NR3C2: variants seen among roughly 807,000 people sequenced by gnomAD.
NR3C2 encodes the protein mineralocorticoid receptor.
NR3C2 carries 15 observed loss-of-function variants against 86.4 expected under a neutral mutation model. The observed-to-expected ratio is 0.17, with a 90% confidence interval of 0.12 to 0.27. The LOEUF (loss-of-function observed/expected upper bound fraction) is 0.27. NR3C2 is among the 10% of genes least tolerant of loss of function. The probability of loss-of-function intolerance (pLI) is 1.00; values close to 1 mark genes in which losing one functional copy is unlikely to be tolerated. For missense variants in NR3C2, 960 were observed against 1,195.6 expected, an observed-to-expected ratio of 0.80 and a Z score of 2.91; for synonymous variants, 458 against 450.5, an observed-to-expected ratio of 1.02 and a Z score of -0.21.
At chr4:148,192,452 T>C (rs556556354) in intron 4 of NR3C2, among the ~76,000 whole-genome samples, 2 of 152,368 alleles carry the variant, frequency 1.3e-5, no homozygotes, top group East Asian at 3.9e-4. Flanking sequence ...TTTGTGCTGG[T>C]TGGCCTCCTG....
chr4:148,339,588 G>A (rs1039727888), intron 2 of NR3C2, among the ~76,000 whole-genome samples: 1 of 152,080 alleles, frequency 6.6e-6, no homozygotes, highest in Non-Finnish European at 1.5e-5. Flanking sequence ...AACTTAAAAT[G>A]CATAATGAAC....
At chr4:148,445,152 C>T (rs1034672185), upstream of NR3C2, among the ~76,000 whole-genome samples, 2 of 151,982 alleles carry the variant, frequency 1.3e-5, no homozygotes, top group Non-Finnish European at 2.9e-5. Context: ...CCCAAATGCA[C>T]GCACCCCCTT....
intron 3 of NR3C2, among the ~76,000 whole-genome samples, chr4:148,195,384 C>T (rs532578065): frequency 6.6e-6 from 1 of 152,276 alleles, no homozygotes; most frequent in African/African-American, 2.4e-5. Context: ...TAGAGAGTGA[C>T]ATCTATTGGC....
At chr4:148,361,776 A>G (rs10033040) in intron 2 of NR3C2, among the ~76,000 whole-genome samples, 59,966 of 152,002 alleles carry the variant, frequency 0.39, 12,261 homozygotes, top group Middle Eastern at 0.5. Flanking sequence ...ATAGGTAACC[A>G]TATTTTCTGA....
intron 3 of NR3C2, among the ~76,000 whole-genome samples, chr4:148,210,689 C>CTATAT (rs1478016995): frequency 6.6e-6 from 1 of 152,200 alleles, no homozygotes; most frequent in Non-Finnish European, 1.5e-5. Context: ...TCCTATATTG[C>CTATAT]TGGTTTGCCA....
chr4:148,215,992 A>T (rs1179629533), intron 3 of NR3C2, among the ~76,000 whole-genome samples: 2 of 152,044 alleles, frequency 1.3e-5, no homozygotes, highest in East Asian at 3.9e-4. Flanking sequence ...ATTTCACTGC[A>T]TTAGCCAGGA....
chr4:148,300,588 A>ATTTT lies in NR3C2; in HGVS notation c.1758-40475_1758-40472dup, dbSNP rs1230657445. ...TTTTCTCCATTTTGCCTTGCTACTCATTTTTTTTTTTTTTTTTTGACAGAG... is the reference window on the plus strand; with the variant it reads ...TTTTCTCCATTTTGCCTTGCTACTCATTTTTTTTTTTTTTTTTTTTTTGACAGAG... On this transcript the variant is annotated intron_variant, in intron 2 of 8. Transcript: ENST00000358102. Among the ~76,000 whole-genome samples, 20 of 127,770 alleles carry ATTTT rather than the reference A, an allele frequency of 1.6e-4. 1 individual carries two copies. The highest frequency in any genetic ancestry group is 2.5e-4 in the South Asian group (1 of 3,992). 83.8% of individuals were successfully genotyped at this position (127,770 alleles called of 152,430 possible). A position where few individuals can be genotyped will look rare whatever the true frequency, so the allele number is the denominator to read the frequency against.
intron 6 of NR3C2, among the ~76,000 whole-genome samples, chr4:148,132,623 C>T (rs1733089409): frequency 6.6e-6 from 1 of 152,106 alleles, no homozygotes; most frequent in South Asian, 2.1e-4. Context: ...TTTGCTAAGA[C>T]AGTTTATATA....
chr4:148,419,725 A>C (rs988416314), intron 2 of NR3C2, among the ~76,000 whole-genome samples: 1 of 152,216 alleles, frequency 6.6e-6, no homozygotes, highest in Admixed American at 6.5e-5. Context: ...AAGCATCTGT[A>C]AATGTACTTT....
At chr4:148,321,005 G>C (rs1298219210) in intron 2 of NR3C2, among the ~76,000 whole-genome samples, 73 of 150,388 alleles carry the variant, frequency 4.9e-4, no homozygotes, top group African/African-American at 1.7e-3. Context: ...GCTTTCTCTT[G>C]TGGGCATTTA....
At chr4:148,207,852 A>G (rs1288178676) in intron 3 of NR3C2, 3 of 152,202 alleles carry the variant, frequency 2.0e-5, no homozygotes, top group Non-Finnish European at 2.9e-5. Flanking sequence ...CATAACATTT[A>G]ATGATAAATT....
chr4:148,357,755 C>T (rs1745621454), intron 2 of NR3C2, among the ~76,000 whole-genome samples: 1 of 152,040 alleles, frequency 6.6e-6, no homozygotes, highest in South Asian at 2.1e-4. Context: ...TCCATTATAT[C>T]TTTTCCTTTT....
intron 2 of NR3C2, among the ~76,000 whole-genome samples, chr4:148,311,371 T>A (rs1165513933): frequency 1.3e-5 from 2 of 152,152 alleles, no homozygotes; most frequent in South Asian, 4.1e-4. Context: ...CCTGCAGCAA[T>A]CTTCCCCATC....
intron 2 of NR3C2, among the ~76,000 whole-genome samples, chr4:148,362,580 C>G (rs1745893519): frequency 6.6e-6 from 1 of 151,990 alleles, no homozygotes; most frequent in Non-Finnish European, 1.5e-5. Context: ...ATATTCACTC[C>G]CGCTTTCATC....
At chr4:148,108,660 A>C (rs947026329) in intron 8 of NR3C2, among the ~76,000 whole-genome samples, 3 of 152,192 alleles carry the variant, frequency 2.0e-5, no homozygotes, top group African/African-American at 7.2e-5. Context: ...AGAGAAGAGC[A>C]TCTGAGTGAC....
chr4:148,289,167 G>A (rs1362094306), intron 2 of NR3C2, among the ~76,000 whole-genome samples: 3 of 151,190 alleles, frequency 2.0e-5, no homozygotes, highest in Non-Finnish European at 2.9e-5. Context: ...GTATCACTAG[G>A]ATAGTAAGTT....
At chr4:148,160,470 A>G (rs6844155) in intron 4 of NR3C2, among the ~76,000 whole-genome samples, 112,060 of 151,954 alleles carry the variant, frequency 0.74, 41,337 homozygotes, top group African/African-American at 0.78. Flanking sequence ...ATGATGGCTG[A>G]CTAGGACTTT....
At chr4:148,228,280 T>TATAC (rs1738278561) in intron 3 of NR3C2, among the ~76,000 whole-genome samples, 2 of 151,386 alleles carry the variant, frequency 1.3e-5, no homozygotes, top group East Asian at 3.9e-4. Context: ...GCATTATTTA[T>TATAC]ACACACACAC....
At chr4:148,373,248 A>G (rs1376214836) in intron 2 of NR3C2, among the ~76,000 whole-genome samples, 1 of 152,098 alleles carries the variant, frequency 6.6e-6, no homozygotes, top group Non-Finnish European at 1.5e-5. Context: ...AATCCTACCA[A>G]TTGTTTAAGC....
Sources: allele counts gnomAD v4.1 joint callset (sites outside exome capture counted in the v4.1 genomes callset), GRCh38; gene constraint gnomAD v4.1.1; transcripts MANE v1.5; gene names NCBI Gene and HGNC (gene_info 2026-07-23, HGNC 2026-07-21).